Variants in USP15 observed in about 807,000 individuals in gnomAD.
USP15 encodes ubiquitin specific peptidase 15.
Under a neutral mutation model 127.1 loss-of-function variants are expected in USP15, and 18 were observed. The observed-to-expected ratio is 0.14, with a 90% CI of 0.10 to 0.21. The LOEUF is 0.21. Among genes scored for constraint, USP15 ranks in the 10% least tolerant of loss-of-function variants. The pLI is 1.00. For missense variants in USP15, 805 were observed against 1,159.9 expected (o/e 0.69, Z 4.44); for synonymous variants, 364 against 393.7 (o/e 0.92, Z 0.89).
Position 62,413,105 on chromosome 12 carries a change from G to A in USP15, c.*8730G>A, listed in dbSNP as rs1464986807. 1 of 152,144 alleles carries A rather than the reference G, an allele frequency of 6.6e-6. No homozygotes were observed. Among genetic ancestry groups the A allele is most frequent in the African/African-American group, 2.4e-5 (1 of 41,432 alleles). 9.4% of individuals were successfully genotyped at this position (152,144 alleles called of 1,614,324 possible). ...TCTCATACATCTCCATAGAGCTCTT[G>A]GGTGACCAGGTGCACTTGTCAATGA... is the stretch of plus-strand genomic sequence containing the variant. On this transcript the variant is annotated 3_prime_UTR_variant, in exon 22 of 22. Transcript: ENST00000280377.
At chr12:62,371,897 G>A (rs766172136) in intron 8 of USP15, among the ~76,000 whole-genome samples, 3 of 152,130 alleles carry the variant, frequency 2.0e-5, no homozygotes, top group Non-Finnish European at 4.4e-5. Flanking sequence ...CTTCTTCTGT[G>A]TGTGTGAGTA....
chr12:62,337,848 A>G (rs1373509161), intron 6 of USP15, among the ~76,000 whole-genome samples: 1 of 152,106 alleles, frequency 6.6e-6, no homozygotes, highest in African/African-American at 2.4e-5. Context: ...TCCATGGTGT[A>G]TATGTGCCAC....
At chr12:62,320,962 A>G (rs986284360) in intron 4 of USP15, among the ~76,000 whole-genome samples, 1 of 152,140 alleles carries the variant, frequency 6.6e-6, no homozygotes, top group South Asian at 2.1e-4. Flanking sequence ...TGGTGAATAC[A>G]GACATCCCTT....
intron 2 of USP15, among the ~76,000 whole-genome samples, chr12:62,299,184 C>T (rs1010682925): frequency 1.3e-5 from 2 of 152,072 alleles, no homozygotes; most frequent in Non-Finnish European, 2.9e-5. Flanking sequence ...AATCTCAGCT[C>T]ACTGCAACCT....
chr12:62,404,280 G>C lies in USP15; in HGVS notation c.2851G>C (p.Ala951Pro). Residue 951 changes from alanine (A) to proline (P), a missense_variant, in exon 22 of 22, where the codon GCT (alanine) becomes CCT (proline). Ala to Pro is a conservative substitution (Grantham distance 27). Around this residue, in one of 11 missense-constraint regions of USP15, gnomAD observed 116 missense variants for 157.2 expected, o/e 0.74. Coordinates refer to ENST00000280377, the MANE Select transcript of USP15 (RefSeq NM_001252078.2). Reference protein sequence around the residue: ...FFPLDRETKGASAATGIPLES... With the variant: ...FFPLDRETKGPSAATGIPLES... ...TCCTCTTGACCGAGAAACTAAAGGT[G>C]CTTCAGCTGCCACTGGCATCCCATT... The C allele has an allele frequency of 6.2e-7, 1 of 1,613,174 alleles. No homozygotes were observed.
intron 8 of USP15, among the ~76,000 whole-genome samples, chr12:62,377,581 A>G (rs1330627745): frequency 1.3e-5 from 2 of 151,698 alleles, no homozygotes; most frequent in Non-Finnish European, 2.9e-5. Context: ...TTAGCCAGGC[A>G]TGGTGGCACG....
chr12:62,326,155 A>G (rs1243969977), intron 6 of USP15, among the ~76,000 whole-genome samples: 4 of 152,206 alleles, frequency 2.6e-5, no homozygotes, highest in Non-Finnish European at 4.4e-5. Flanking sequence ...AAGGCATAGT[A>G]TAAATGTATG....
chr12:62,344,781 A>G (rs2065761984), intron 6 of USP15, among the ~76,000 whole-genome samples: 1 of 152,280 alleles, frequency 6.6e-6, no homozygotes, highest in South Asian at 2.1e-4. Flanking sequence ...CTGTACACAC[A>G]CAGGCCCAAC....
intron 1 of USP15, among the ~76,000 whole-genome samples, chr12:62,270,120 T>A (rs966432497): frequency 3.3e-5 from 5 of 152,156 alleles, no homozygotes; most frequent in African/African-American, 1.2e-4. Context: ...ATTTTCTTGA[T>A]AGGTAATGAT....
chr12:62,346,701 GT>G (rs2137409226), intron 6 of USP15, among the ~76,000 whole-genome samples: 1 of 152,206 alleles, frequency 6.6e-6, no homozygotes, highest in South Asian at 2.1e-4. Context: ...ATCTGATTTT[GT>G]TGATACACTA....
In USP15 at chr12:62,302,887, A is replaced by G. The variant is rs753092639; in HGVS notation, c.315A>G (p.Thr105=). The change falls in exon 3 of 22, where the codon ACA becomes ACG. Residue 105 remains threonine (T), a synonymous_variant. Transcript: ENST00000280377. Reference sequence around the variant, plus strand: ...GGAATAAACTTGTCAGCTGGTACACATTGATGGAAGGTCAAGAGCCAATAG... The same window carrying G: ...GGAATAAACTTGTCAGCTGGTACACGTTGATGGAAGGTCAAGAGCCAATAG... ...EGWNKLVSWY[T]LMEGQEPIAR... is the part of the protein sequence containing the mutation. 1 of 1,612,868 alleles carries G rather than the reference A, an allele frequency of 6.2e-7. No individual in the cohort carries two copies. The highest frequency in any genetic ancestry group is 8.5e-7 in the Non-Finnish European group (1 of 1,179,158).
At chr12:62,298,339 A>G (rs2064197893) in intron 2 of USP15, among the ~76,000 whole-genome samples, 1 of 152,108 alleles carries the variant, frequency 6.6e-6, no homozygotes, top group African/African-American at 2.4e-5. Flanking sequence ...AGCTTGGGCA[A>G]CATGGTGAAA....
rs143516951 is a variant in USP15, at chr12:62,386,453, G to A, written c.1473+2151G>A. 2.0e-3 allele frequency among the ~76,000 whole-genome samples: 302 copies of A among 152,184 alleles called. 2 individuals carry two copies. The highest frequency in any genetic ancestry group is 2.5e-3 in the Non-Finnish European group (170 of 67,956). On this transcript the variant is annotated intron_variant, in intron 11 of 21. Coordinates refer to ENST00000280377, the MANE Select transcript of USP15 (RefSeq NM_001252078.2). Reference sequence around the variant, plus strand: ...TTCTTCAAGAAGCTTGTCATACAGTGTGAAAATTGCTCTGACAGGGTGCTG... The same window carrying A: ...TTCTTCAAGAAGCTTGTCATACAGTATGAAAATTGCTCTGACAGGGTGCTG...
At chr12:62,303,166 A>G (rs1037819538) in intron 3 of USP15, 2 of 272,892 alleles carry the variant, frequency 7.3e-6, no homozygotes, top group Admixed American at 9.4e-5. Flanking sequence ...TAAGGTAAGT[A>G]GTAGGAAATG....
At chr12:62,300,765 A>G (rs906293211) in intron 2 of USP15, among the ~76,000 whole-genome samples, 4 of 152,174 alleles carry the variant, frequency 2.6e-5, no homozygotes, top group Non-Finnish European at 4.4e-5. Context: ...TCCAAAATGG[A>G]TTATAGACCT....
chr12:62,365,986 T>C lies in USP15; in HGVS notation c.915+10511T>C, dbSNP rs139596730. ...TAGTATAGTTTCAAGTCAGGTAACATGATGCCTTCAGCTTTGTTCTCTTTG... is the reference window on the plus strand; with the variant it reads ...TAGTATAGTTTCAAGTCAGGTAACACGATGCCTTCAGCTTTGTTCTCTTTG... On this transcript the variant is annotated intron_variant, in intron 8 of 21. Coordinates refer to ENST00000280377, the MANE Select transcript of USP15 (RefSeq NM_001252078.2). 3.7e-3 allele frequency among the ~76,000 whole-genome samples: 561 copies of C among 152,340 alleles called. 5 individuals carry two copies. Among genetic ancestry groups the C allele is most frequent in the African/African-American group, 0.013 (528 of 41,580 alleles).
chr12:62,364,875 A>G (rs1190295553), intron 8 of USP15, among the ~76,000 whole-genome samples: 2 of 152,180 alleles, frequency 1.3e-5, no homozygotes, highest in African/African-American at 4.8e-5. Flanking sequence ...ATGTCCCTGC[A>G]AAGGACATGA....
intron 3 of USP15, among the ~76,000 whole-genome samples, chr12:62,313,591 C>T (rs2137246644): frequency 6.6e-6 from 1 of 151,780 alleles, no homozygotes; most frequent in South Asian, 2.1e-4. Context: ...AATATAACTA[C>T]AAGTAATCTT....
intron 6 of USP15, among the ~76,000 whole-genome samples, chr12:62,340,712 G>T (rs1402108117): frequency 6.6e-6 from 1 of 152,128 alleles, no homozygotes; most frequent in East Asian, 1.9e-4. Context: ...CTTATCCTGA[G>T]TTCTTACTTG....
Sources: allele counts gnomAD v4.1 joint callset (sites outside exome capture counted in the v4.1 genomes callset), GRCh38; gene constraint gnomAD v4.1.1; regional missense constraint gnomAD v4.1.1; transcripts MANE v1.5; gene names NCBI Gene and HGNC (gene_info 2026-07-23, HGNC 2026-07-21).